The following MBIP variants were observed in gnomAD, a reference collection of about 807,000 sequenced individuals.
MBIP encodes the protein MAP3K12-binding inhibitory protein 1.
MBIP carries 32 observed loss-of-function variants against 45.7 expected under a neutral mutation model. The observed-to-expected ratio is 0.70, with a 90% CI of 0.53 to 0.94. The LOEUF (loss-of-function observed/expected upper bound fraction) is 0.94. Among genes scored for constraint, MBIP ranks in the 40% least tolerant of loss-of-function variants. The pLI is 0.00. For synonymous variants in MBIP, 145 were observed against 141.0 expected, an observed-to-expected ratio of 1.03 and a Z score of -0.20; for missense variants, 381 against 405.5, an observed-to-expected ratio of 0.94 and a Z score of 0.52.
At chr14:36,315,428 G>GA (rs750951408) in intron 2 of MBIP, among the ~76,000 whole-genome samples, 45 of 152,040 alleles carry the variant, frequency 3.0e-4, no homozygotes, top group Non-Finnish European at 5.1e-4. Flanking sequence ...TGGCCAATGT[G>GA]AATGAGGAAG....
chr14:36,315,937 C>CAA (rs67660455), intron 2 of MBIP, among the ~76,000 whole-genome samples: 4 of 5,086 alleles, frequency 7.9e-4, no homozygotes, highest in African/African-American at 8.7e-4. Flanking sequence ...CTGACCAATC[C>CAA]AGTTTTTCCA....
rs1879991614 is a variant in MBIP at position 36,308,142 on chromosome 14, C to A, written c.838G>T (p.Asp280Tyr). Residue 280 changes from aspartate (D) to tyrosine (Y), a missense_variant, in exon 7 of 9, where the codon GAT becomes TAT. Coordinates refer to ENST00000416007, the MANE Select transcript of MBIP (RefSeq NM_016586.3). The part of the protein sequence containing the change: ...DIYQRIKKLE[D>Y]KILELEGISP... ...ATGCCTTCCAATTCAAGGATTTTATCCTCAAGTTTTTTAATTCTCTGATAA... is the reference window on the plus strand; with the variant it reads ...ATGCCTTCCAATTCAAGGATTTTATACTCAAGTTTTTTAATTCTCTGATAA... 1 of 1,607,026 alleles carries A rather than the reference C, an allele frequency of 6.2e-7. No homozygotes were observed. The highest frequency in any genetic ancestry group is 8.5e-7 in the Non-Finnish European group (1 of 1,175,582).
At chr14:36,308,474 G>A (rs1880012134) in intron 6 of MBIP, among the ~76,000 whole-genome samples, 1 of 152,144 alleles carries the variant, frequency 6.6e-6, no homozygotes, top group South Asian at 2.1e-4. Flanking sequence ...TAGCTTCCAT[G>A]TAGAACAATT....
intron 4 of MBIP, chr14:36,314,221 T>C: frequency 3.5e-6 from 1 of 286,978 alleles, no homozygotes; most frequent in Non-Finnish European, 6.4e-6. Context: ...TAGATCAACC[T>C]TCTCACTCGT....
intron 6 of MBIP, among the ~76,000 whole-genome samples, chr14:36,309,112 CTG>C (rs1880053814): frequency 6.6e-6 from 1 of 152,148 alleles, no homozygotes; most frequent in African/African-American, 2.4e-5. Context: ...GCCAAGCACC[CTG>C]TAAGCTTCAG....
intron 6 of MBIP, among the ~76,000 whole-genome samples, chr14:36,309,793 C>T (rs1880094505): frequency 6.6e-6 from 1 of 152,146 alleles, no homozygotes; most frequent in African/African-American, 2.4e-5. Context: ...TGTGCCCCCA[C>T]CATTCTTCAG....
chr14:36,306,620 G>A (rs1879896960), intron 7 of MBIP, among the ~76,000 whole-genome samples: 1 of 152,084 alleles, frequency 6.6e-6, no homozygotes, highest in African/African-American at 2.4e-5. Context: ...GAGGAATGAT[G>A]CTGCAGCAAG....
chr14:36,303,432 T>G (rs1469460156), intron 7 of MBIP, among the ~76,000 whole-genome samples: 1 of 152,192 alleles, frequency 6.6e-6, no homozygotes, highest in African/African-American at 2.4e-5. Context: ...AGTATACTTA[T>G]AGAAACCTAG....
At chr14:36,312,144 T>C (rs911550110) in intron 4 of MBIP, 120 bp from the exon 5 acceptor site, 2 of 509,920 alleles carry the variant, frequency 3.9e-6, no homozygotes, top group African/African-American at 4.0e-5. Context: ...TAATAAATAA[T>C]AGTAACAATA....
At chr14:36,312,141 T>C (rs1350522104) in intron 4 of MBIP, 117 bp from the exon 5 acceptor site, 2 of 517,790 alleles carry the variant, frequency 3.9e-6, no homozygotes, top group Non-Finnish European at 6.6e-6. Context: ...TTTTAATAAA[T>C]AATAGTAACA....
intron 6 of MBIP, 106 bp downstream of exon 6, chr14:36,311,467 T>A: frequency 9.6e-7 from 1 of 1,041,512 alleles, no homozygotes; most frequent in Non-Finnish European, 1.4e-6. Context: ...CACTTACTGT[T>A]CAAGAAATGT....
intron 1 of MBIP, among the ~76,000 whole-genome samples, chr14:36,320,232 C>G (rs1373551160): frequency 1.3e-5 from 2 of 152,154 alleles, no homozygotes; most frequent in African/African-American, 4.8e-5. Flanking sequence ...GCCAACCTCA[C>G]CCACTCTTGG....
chr14:36,298,807 G>A lies in MBIP; in HGVS notation c.*276C>T, dbSNP rs1403376052. 3.7e-6 allele frequency: 1 copy of A among 267,824 alleles called. No homozygotes were observed. The highest frequency in any genetic ancestry group is 2.2e-5 in the African/African-American group (1 of 45,008). 16.6% of individuals were successfully genotyped at this position (267,824 alleles called of 1,614,324 possible). A position where few individuals can be genotyped will look rare whatever the true frequency, so the allele number is the denominator to read the frequency against. On this transcript the variant is annotated 3_prime_UTR_variant, in exon 9 of 9. Transcript: ENST00000416007. ...CTGTGGTCCACAAAAGAAAAAAGAT[G>A]TACCAGCACTTGTAAATTAAGTTTT...
intron 7 of MBIP, among the ~76,000 whole-genome samples, chr14:36,303,302 T>C (rs1212962868): frequency 1.3e-5 from 2 of 152,170 alleles, no homozygotes; most frequent in Non-Finnish European, 2.9e-5. Flanking sequence ...AGAAAGGTAA[T>C]GCAAAATTGT....
Position 36,299,020 on chromosome 14 carries a change from A to G in MBIP, c.*63T>C. On this transcript the variant is annotated 3_prime_UTR_variant, in exon 9 of 9. Coordinates refer to ENST00000416007, the MANE Select transcript of MBIP (RefSeq NM_016586.3). ...TGATAAATATATATCCGTTGAATTAATAACAGTGTAAGTTACACATATGTA... is the reference window on the plus strand; with the variant it reads ...TGATAAATATATATCCGTTGAATTAGTAACAGTGTAAGTTACACATATGTA... 7.9e-6 allele frequency: 9 copies of G among 1,143,036 alleles called. No individual in the cohort carries two copies. The highest frequency in any genetic ancestry group is 1.1e-5 in the Non-Finnish European group (8 of 757,848). The allele number at this position is 1,143,036 out of a possible 1,614,324, so 70.8% of individuals were successfully genotyped here.
At chr14:36,300,451 G>A (rs984645224) in intron 8 of MBIP, among the ~76,000 whole-genome samples, 6 of 152,140 alleles carry the variant, frequency 3.9e-5, no homozygotes, top group African/African-American at 1.4e-4. Context: ...TTTTGATCTA[G>A]GTGCTGCTAA....
chr14:36,311,677 A>G lies in MBIP; in HGVS notation c.686T>C (p.Ile229Thr), dbSNP rs766789379. ...TYGPQTRPEG[I>T]PGSGHKPNSM... ...GTTAGGTTTATGACCTGACCCTGGA[A>G]TTCCTTCAGGTCTAGTCTGTGGTCC... is the stretch of plus-strand genomic sequence containing the variant. The change falls in exon 6 of 9, where the codon ATT (isoleucine) becomes ACT (threonine). Residue 229 changes from isoleucine to threonine, a missense_variant. Coordinates refer to ENST00000416007, the MANE Select transcript of MBIP (RefSeq NM_016586.3). The G allele has an allele frequency of 1.2e-6, 2 of 1,613,420 alleles. No individual in the cohort carries two copies. The highest frequency in any genetic ancestry group is 4.5e-5 in the East Asian group (2 of 44,862).
At chr14:36,319,180 C>T (rs896506513) in intron 1 of MBIP, among the ~76,000 whole-genome samples, 6 of 152,066 alleles carry the variant, frequency 3.9e-5, no homozygotes, top group African/African-American at 1.4e-4. Context: ...AATATTCCAT[C>T]TTCTGTTAAC....
chr14:36,300,719 T>C, intron 8 of MBIP, 66 bp downstream of exon 8: 1 of 1,218,744 alleles, frequency 8.2e-7, no homozygotes, highest in Non-Finnish European at 1.1e-6. Flanking sequence ...GAAACTTTTA[T>C]TAATAAGAAA....
Sources: allele counts gnomAD v4.1 joint callset (sites outside exome capture counted in the v4.1 genomes callset), GRCh38; gene constraint gnomAD v4.1.1; transcripts MANE v1.5; gene names NCBI Gene and HGNC (gene_info 2026-07-23, HGNC 2026-07-21).